The following RBFOX1 variants were observed in gnomAD, a reference collection of about 807,000 sequenced individuals.
RBFOX1 encodes the protein RNA binding fox-1 homolog 1, also known as RNA binding protein fox-1 homolog 1.
RBFOX1 carries 8 observed loss-of-function variants against 57.7 expected under a neutral mutation model. The observed-to-expected ratio is 0.14, with a 90% CI of 0.08 to 0.25. RBFOX1 has a LOEUF of 0.25. Among genes scored for constraint, RBFOX1 ranks in the 10% least tolerant of loss-of-function variants. RBFOX1 has a pLI of 1.00. For synonymous variants in RBFOX1, 326 were observed against 222.4 expected (o/e 1.47, Z -4.15); for missense variants, 611 against 548.5 (o/e 1.11, Z -1.14).
At chr16:5,655,156 C>G (rs1000352235) in intron 3 of RBFOX1, among the ~76,000 whole-genome samples, 8 of 151,940 alleles carry the variant, frequency 5.3e-5, no homozygotes, top group Admixed American at 4.6e-4. Flanking sequence ...TGTTTGCTAT[C>G]TGGAATTTAG....
chr16:5,608,071 T>C (rs1349573155), intron 3 of RBFOX1, among the ~76,000 whole-genome samples: 1 of 152,156 alleles, frequency 6.6e-6, no homozygotes. Flanking sequence ...CATGTTTAAT[T>C]TGAGTAGCTA....
At chr16:5,285,598 G>A (rs1325250890) in intron 1 of RBFOX1, among the ~76,000 whole-genome samples, 10 of 152,066 alleles carry the variant, frequency 6.6e-5, no homozygotes, top group Non-Finnish European at 1.3e-4. Flanking sequence ...TTATGGATTC[G>A]CTTTTATAGG....
At chr16:5,277,178 G>A (rs2063162176) in intron 1 of RBFOX1, among the ~76,000 whole-genome samples, 2 of 152,124 alleles carry the variant, frequency 1.3e-5, no homozygotes, top group African/African-American at 4.8e-5. Context: ...GAGTTGGAGA[G>A]CATTATTCTA....
At chr16:6,342,374 C>T (rs563990266) in intron 2 of RBFOX1, among the ~76,000 whole-genome samples, 5 of 152,190 alleles carry the variant, frequency 3.3e-5, no homozygotes, top group South Asian at 2.1e-4. Context: ...CAAGTAGAAA[C>T]GAAGGATCCC....
intron 1 of RBFOX1, among the ~76,000 whole-genome samples, chr16:6,241,410 A>G (rs892809424): frequency 2.0e-5 from 3 of 152,218 alleles, no homozygotes; most frequent in East Asian, 1.9e-4. Flanking sequence ...GGTACTTAAT[A>G]AATTGTCAAA....
At chr16:7,347,761 A>T (rs1275941135) in intron 4 of RBFOX1, among the ~76,000 whole-genome samples, 1 of 152,086 alleles carries the variant, frequency 6.6e-6, no homozygotes, top group Non-Finnish European at 1.5e-5. Context: ...TATATCAGTG[A>T]ACTATGCCCG....
At chr16:5,653,513 C>T (rs367792341) in intron 3 of RBFOX1, among the ~76,000 whole-genome samples, 4 of 146,124 alleles carry the variant, frequency 2.7e-5, no homozygotes, top group East Asian at 2.0e-4. Flanking sequence ...AGTTGGGGTG[C>T]GGAGCCGTGT....
intron 1 of RBFOX1, among the ~76,000 whole-genome samples, chr16:5,350,274 T>C (rs957909037): frequency 1.1e-4 from 16 of 152,124 alleles, no homozygotes; most frequent in African/African-American, 3.9e-4. Flanking sequence ...AAGCTCATGA[T>C]TTTGGAGACA....
chr16:7,167,041 A>G (rs1199442532), intron 4 of RBFOX1, among the ~76,000 whole-genome samples: 2 of 116,792 alleles, frequency 1.7e-5, no homozygotes, highest in Non-Finnish European at 3.2e-5. Context: ...GTTGGAGTGC[A>G]GTGGTGTGAT....
intron 2 of RBFOX1, among the ~76,000 whole-genome samples, chr16:5,506,684 A>C (rs997308565): frequency 1.3e-5 from 2 of 152,054 alleles, no homozygotes; most frequent in Non-Finnish European, 2.9e-5. Context: ...GACGCCACAG[A>C]GAAGGGAGTG....
chr16:5,433,392 G>A lies in RBFOX1; in HGVS notation c.220-33824G>A, dbSNP rs183414530. ...GGGGTGAGAATTTGAAGCCACATGC[G>A]TGCTGCACTTGGTCACTCTGGCCAG... On this transcript the variant is annotated intron_variant, in intron 1 of 2. Coordinates refer to the RBFOX1 transcript ENST00000585867. 7.0e-4 allele frequency among the ~76,000 whole-genome samples: 106 copies of A among 152,226 alleles called. 1 individual carries two copies. The highest frequency in any genetic ancestry group is 2.3e-3 in the African/African-American group (95 of 41,540).
intron 2 of RBFOX1, among the ~76,000 whole-genome samples, chr16:6,326,563 C>G (rs1599664659): frequency 2.0e-5 from 3 of 152,212 alleles, no homozygotes; most frequent in African/African-American, 7.2e-5. Context: ...GGGCATTCTC[C>G]TCTCAGGGTT....
At chr16:5,793,914 T>C (rs2054789912) in intron 3 of RBFOX1, among the ~76,000 whole-genome samples, 1 of 152,218 alleles carries the variant, frequency 6.6e-6, no homozygotes, top group South Asian at 2.1e-4. Context: ...CTGTGTGATC[T>C]TGGGTGAGCC....
At chr16:6,818,311 A>G (rs1007920135) in intron 3 of RBFOX1, among the ~76,000 whole-genome samples, 1 of 152,112 alleles carries the variant, frequency 6.6e-6, no homozygotes, top group Non-Finnish European at 1.5e-5. Flanking sequence ...TTACTATGAG[A>G]ATCATGGTTT....
chr16:7,077,136 A>G (rs1423957650), intron 4 of RBFOX1, among the ~76,000 whole-genome samples: 1 of 152,098 alleles, frequency 6.6e-6, no homozygotes, highest in East Asian at 1.9e-4. Flanking sequence ...AGGCCTGTGG[A>G]GTTTTAGCTC....
At chr16:6,781,666 C>T (rs1331821521) in intron 3 of RBFOX1, among the ~76,000 whole-genome samples, 1 of 151,790 alleles carries the variant, frequency 6.6e-6, no homozygotes, top group Non-Finnish European at 1.5e-5. Context: ...TTTTTATGTC[C>T]AGGAATTTAT....
intron 1 of RBFOX1, among the ~76,000 whole-genome samples, chr16:6,022,397 G>C (rs113482277): frequency 4.3e-4 from 65 of 152,124 alleles, no homozygotes; most frequent in African/African-American, 1.5e-3. Context: ...ATAAAATTTT[G>C]TGGCCAGGTG....
intron 2 of RBFOX1, among the ~76,000 whole-genome samples, chr16:6,575,142 A>T (rs372315001): frequency 5.3e-5 from 8 of 151,928 alleles, no homozygotes; most frequent in East Asian, 1.9e-4. Context: ...ACAGATTACG[A>T]CACGTTGTTT....
chr16:7,348,824 C>A (rs1015985788), intron 4 of RBFOX1, among the ~76,000 whole-genome samples: 1 of 152,086 alleles, frequency 6.6e-6, no homozygotes, highest in Non-Finnish European at 1.5e-5. Context: ...TGCTTGTAAT[C>A]CCAGCCCCTT....
Sources: allele counts gnomAD v4.1 joint callset (sites outside exome capture counted in the v4.1 genomes callset), GRCh38; gene constraint gnomAD v4.1.1; transcripts MANE v1.5; gene names NCBI Gene and HGNC (gene_info 2026-07-23, HGNC 2026-07-21).